Variants in RBFOX1 observed in about 807,000 individuals in gnomAD.
RBFOX1 encodes RNA binding protein fox-1 homolog 1.
Under a neutral mutation model 57.7 loss-of-function variants are expected in RBFOX1, and 8 were observed. That is an observed-to-expected ratio of 0.14 (90% CI 0.08 to 0.25). RBFOX1 has a LOEUF of 0.25. Ranked by LOEUF, RBFOX1 falls within the 10% of genes least tolerant of loss-of-function variation. The pLI, the probability that RBFOX1 is intolerant of heterozygous loss-of-function variation, is 1.00. For synonymous variants in RBFOX1, 326 were observed against 222.4 expected (o/e 1.47, Z -4.15); for missense variants, 611 against 548.5 (o/e 1.11, Z -1.14).
At chr16:5,687,028 A>G (rs570065283) in intron 3 of RBFOX1, among the ~76,000 whole-genome samples, 1 of 152,324 alleles carries the variant, frequency 6.6e-6, no homozygotes, top group East Asian at 1.9e-4. Context: ...GTTGGGATCT[A>G]TTGCAAGAAG....
rs772217644 is a variant in RBFOX1 at position 7,081,442 on chromosome 16, A to T, written c.27+29344A>T. 5.1e-4 allele frequency among the ~76,000 whole-genome samples: 78 copies of T among 152,254 alleles called. 1 individual carries two copies. In the Middle Eastern group the frequency reaches 0.01, roughly 20 times the overall value. On this transcript the variant is annotated intron_variant, in intron 4 of 15. Transcript: ENST00000550418. ...AGCTATTATAACTTGGCCACTCCTC[A>T]TGGGGGAATCAAAGGGAAGCTGTTC...
intron 2 of RBFOX1, among the ~76,000 whole-genome samples, chr16:5,559,253 G>T (rs769961161): frequency 6.7e-6 from 1 of 150,258 alleles, no homozygotes; most frequent in African/African-American, 2.5e-5. Flanking sequence ...GCGTACCCCT[G>T]TTCTGGTTCT....
intron 1 of RBFOX1, among the ~76,000 whole-genome samples, chr16:5,365,450 A>G (rs1274386438): frequency 2.0e-5 from 3 of 152,144 alleles, no homozygotes; most frequent in Non-Finnish European, 4.4e-5. Flanking sequence ...GGAGGAACAC[A>G]TGAGGCCAGG....
chr16:6,463,312 C>G (rs542806020), intron 2 of RBFOX1, among the ~76,000 whole-genome samples: 2 of 152,282 alleles, frequency 1.3e-5, no homozygotes, highest in East Asian at 1.9e-4. Flanking sequence ...TATACTCACA[C>G]AGATCACAAT....
intron 3 of RBFOX1, among the ~76,000 whole-genome samples, chr16:6,968,205 A>C (rs2084722968): frequency 6.6e-6 from 1 of 152,134 alleles, no homozygotes; most frequent in Non-Finnish European, 1.5e-5. Context: ...TTCAGTTCAG[A>C]GTGACTGACA....
intron 11 of RBFOX1, among the ~76,000 whole-genome samples, chr16:7,637,579 C>T (rs957702354): frequency 8.5e-5 from 13 of 152,156 alleles, no homozygotes; most frequent in South Asian, 2.1e-4. Flanking sequence ...TAATTTACGG[C>T]TTCCTTTTTC....
intron 3 of RBFOX1, among the ~76,000 whole-genome samples, chr16:5,835,318 G>A (rs1490378056): frequency 1.3e-5 from 2 of 152,160 alleles, no homozygotes; most frequent in African/African-American, 4.8e-5. Context: ...GAAAGGGCAG[G>A]GCACGTAGAC....
At chr16:6,491,336 C>T (rs542605673) in intron 2 of RBFOX1, among the ~76,000 whole-genome samples, 1 of 152,102 alleles carries the variant, frequency 6.6e-6, no homozygotes, top group South Asian at 2.1e-4. Flanking sequence ...GGTGAGCCTC[C>T]TTTTAGAAAT....
At chr16:6,780,416 A>ATATTTATATATG (rs2080730294) in intron 3 of RBFOX1, among the ~76,000 whole-genome samples, 1 of 115,734 alleles carries the variant, frequency 8.6e-6, no homozygotes, top group Non-Finnish European at 1.6e-5. Flanking sequence ...ATATTTATAT[A>ATATTTATATATG]TATTTATATA....
At chr16:5,477,776 G>T (rs116531198) in intron 2 of RBFOX1, among the ~76,000 whole-genome samples, 3 of 152,218 alleles carry the variant, frequency 2.0e-5, no homozygotes, top group Non-Finnish European at 4.4e-5. Flanking sequence ...TCACAGAAAA[G>T]ACCTCCTAGA....
At chr16:7,553,418 T>C (rs1190654831) in intron 5 of RBFOX1, among the ~76,000 whole-genome samples, 1 of 152,212 alleles carries the variant, frequency 6.6e-6, no homozygotes, top group Non-Finnish European at 1.5e-5. Context: ...GCACTGGGAT[T>C]ACAGGCATGA....
At chr16:7,675,601 G>T (rs1265516129) in intron 13 of RBFOX1, among the ~76,000 whole-genome samples, 1 of 152,156 alleles carries the variant, frequency 6.6e-6, no homozygotes. Context: ...ATTGAGACCC[G>T]TGTACCTACA....
chr16:7,119,599 C>A (rs1299344972), intron 4 of RBFOX1, among the ~76,000 whole-genome samples: 1 of 151,874 alleles, frequency 6.6e-6, no homozygotes, highest in African/African-American at 2.4e-5. Context: ...CAAAAAACCA[C>A]CCAGACATAC....
intron 1 of RBFOX1, among the ~76,000 whole-genome samples, chr16:5,441,994 A>G (rs2068099435): frequency 6.6e-6 from 1 of 152,218 alleles, no homozygotes; most frequent in Non-Finnish European, 1.5e-5. Context: ...TCAGTAAGAC[A>G]CTATCCCTGA....
At chr16:6,953,277 C>T (rs907634309) in intron 3 of RBFOX1, among the ~76,000 whole-genome samples, 3 of 152,042 alleles carry the variant, frequency 2.0e-5, no homozygotes, top group South Asian at 4.1e-4. Context: ...ACATATACAC[C>T]GAAATAAGGC....
chr16:6,387,021 C>A (rs570628688), intron 2 of RBFOX1, among the ~76,000 whole-genome samples: 4 of 152,116 alleles, frequency 2.6e-5, no homozygotes, highest in Non-Finnish European at 5.9e-5. Context: ...TGACTGGGGT[C>A]ATAGGTTCTG....
intron 2 of RBFOX1, among the ~76,000 whole-genome samples, chr16:6,463,251 T>A (rs182060036): frequency 6.6e-6 from 1 of 152,216 alleles, no homozygotes; most frequent in Non-Finnish European, 1.5e-5. Flanking sequence ...GATGGCCTAA[T>A]GACAACATTA....
At chr16:6,621,778 G>T (rs1567921639) in intron 2 of RBFOX1, among the ~76,000 whole-genome samples, 1 of 152,144 alleles carries the variant, frequency 6.6e-6, no homozygotes, top group Non-Finnish European at 1.5e-5. Flanking sequence ...GCAGCTAGAA[G>T]GACATGTGGC....
intron 3 of RBFOX1, among the ~76,000 whole-genome samples, chr16:5,642,339 A>G (rs945339632): frequency 3.3e-5 from 5 of 152,190 alleles, no homozygotes; most frequent in Non-Finnish European, 5.9e-5. Flanking sequence ...CATGAAAGCA[A>G]TCCATGCGAG....
Sources: allele counts gnomAD v4.1 joint callset (sites outside exome capture counted in the v4.1 genomes callset), GRCh38; gene constraint gnomAD v4.1.1; transcripts MANE v1.5; gene names NCBI Gene and HGNC (gene_info 2026-07-23, HGNC 2026-07-21).